Variants in COA1 observed in about 807,000 individuals in gnomAD.
COA1 encodes the protein cytochrome c oxidase assembly factor 1, also known as cytochrome c oxidase assembly factor 1 homolog.
Under a neutral mutation model 16.0 loss-of-function variants are expected in COA1, and 13 were observed. The observed-to-expected ratio is 0.81, with a 90% confidence interval of 0.53 to 1.29. The LOEUF (loss-of-function observed/expected upper bound fraction) is 1.29, where lower values mean the gene tolerates loss of function less well. Among genes scored for constraint, COA1 ranks in the 50% most tolerant of loss-of-function variants. COA1 has a pLI of 0.00. For synonymous variants in COA1, 65 were observed against 65.7 expected, an observed-to-expected ratio of 0.99 and a Z score of 0.05; for missense variants, 179 against 177.0, an observed-to-expected ratio of 1.01 and a Z score of -0.06.
At chr7:43,674,270 T>C (rs1043237667) in intron 1 of COA1, among the ~76,000 whole-genome samples, 1 of 152,206 alleles carries the variant, frequency 6.6e-6, no homozygotes, top group African/African-American at 2.4e-5. Context: ...TCAACACATA[T>C]AAATAACTAA....
At chr7:43,711,991 AC>A (rs984556084) in intron 1 of COA1, among the ~76,000 whole-genome samples, 1 of 152,192 alleles carries the variant, frequency 6.6e-6, no homozygotes, top group Admixed American at 6.5e-5. Context: ...ACGGACTTTT[AC>A]CAAGACATTA....
At chr7:43,700,579 CGTGTATATATACGTGTGT>C (rs929076212) in intron 1 of COA1, among the ~76,000 whole-genome samples, 3 of 104,846 alleles carry the variant, frequency 2.9e-5, no homozygotes, top group African/African-American at 1.1e-4. Flanking sequence ...CACATATATA[CGTGTATATATACGTGTGT>C]GTGTGTGTGT....
intron 6 of COA1, chr7:43,609,791 C>G (rs2082689672): frequency 6.6e-6 from 1 of 152,358 alleles, no homozygotes; most frequent in Non-Finnish European, 1.5e-5. Context: ...GCCTCTGGAC[C>G]ACCCCCAAAA....
chr7:43,687,662 T>A (rs906411541), intron 1 of COA1, among the ~76,000 whole-genome samples: 4 of 152,188 alleles, frequency 2.6e-5, no homozygotes, highest in African/African-American at 9.6e-5. Context: ...CAATAGTTAG[T>A]GATTGAGGCA....
At chr7:43,702,656 T>C (rs937617810) in intron 1 of COA1, among the ~76,000 whole-genome samples, 1 of 152,144 alleles carries the variant, frequency 6.6e-6, no homozygotes, top group Non-Finnish European at 1.5e-5. Flanking sequence ...TACATAGGGG[T>C]GTTCATAATA....
At chr7:43,714,997 C>G (rs79949289) in intron 1 of COA1, among the ~76,000 whole-genome samples, 4,711 of 104,270 alleles carry the variant, frequency 0.045, 271 homozygotes, top group African/African-American at 0.17. Context: ...AAAGAGTGAG[C>G]CTCTTGTCTA....
At chr7:43,692,456 T>C (rs2094403720) in intron 1 of COA1, among the ~76,000 whole-genome samples, 1 of 151,752 alleles carries the variant, frequency 6.6e-6, no homozygotes, top group Non-Finnish European at 1.5e-5. Context: ...AGGTCAAGGC[T>C]ACAGCAAGCC....
chr7:43,700,020 C>T (rs1323501827), intron 1 of COA1, among the ~76,000 whole-genome samples: 1 of 151,936 alleles, frequency 6.6e-6, no homozygotes, highest in South Asian at 2.1e-4. Context: ...CTTTAGTGTC[C>T]TCGTTAAAAA....
intron 1 of COA1, among the ~76,000 whole-genome samples, chr7:43,706,560 TAAAAAA>T (rs977811475): frequency 1.5e-5 from 2 of 136,276 alleles, no homozygotes; most frequent in Non-Finnish European, 3.2e-5. Flanking sequence ...AAATAAAAAA[TAAAAAA>T]ATAAAAAAAT....
intron 1 of COA1, among the ~76,000 whole-genome samples, chr7:43,700,156 A>T (rs1433285539): frequency 6.6e-6 from 1 of 152,140 alleles, no homozygotes; most frequent in Non-Finnish European, 1.5e-5. Flanking sequence ...ATTTAGCACC[A>T]TCTAGTGGCA....
intron 1 of COA1, among the ~76,000 whole-genome samples, chr7:43,688,257 T>C (rs2094127967): frequency 6.6e-6 from 1 of 152,184 alleles, no homozygotes; most frequent in Non-Finnish European, 1.5e-5. Context: ...GACATAAGAC[T>C]AAGTCATCAA....
At chr7:43,612,564 G>A (rs535873186) in intron 6 of COA1, among the ~76,000 whole-genome samples, 58 of 152,246 alleles carry the variant, frequency 3.8e-4, no homozygotes, top group Admixed American at 1.4e-3. Context: ...CAATATGTAT[G>A]GTAATTTTGA....
chr7:43,692,967 T>C (rs943448031), intron 1 of COA1, among the ~76,000 whole-genome samples: 1 of 152,126 alleles, frequency 6.6e-6, no homozygotes, highest in Admixed American at 6.6e-5. Flanking sequence ...AAATAAATTA[T>C]CTATGTCCAA....
In COA1 at chr7:43,691,419, GAAAAAGA is replaced by G. The variant is rs1285391057; in HGVS notation, c.-39+38003_-39+38009del. ...AGGAAGGAAGGAAGGAAGGAAGAAA[GAAAAAGA>G]AAGAAAGAAAGAAAGAAAGAAAGAA... On this transcript the variant is annotated intron_variant, in intron 1 of 5. Transcript: ENST00000223336. 6.9e-3 allele frequency among the ~76,000 whole-genome samples: 567 copies of G among 82,262 alleles called. 14 individuals carry two copies. Among genetic ancestry groups the G allele is most frequent in the East Asian group, 0.036 (101 of 2,788 alleles). The allele number at this position is 82,262 out of a possible 152,430, so 54.0% of individuals were successfully genotyped here. A position where few individuals can be genotyped will look rare whatever the true frequency, so the allele number is the denominator to read the frequency against.
chr7:43,700,118 T>C (rs1209945363), intron 1 of COA1, among the ~76,000 whole-genome samples: 5 of 152,142 alleles, frequency 3.3e-5, no homozygotes, highest in African/African-American at 9.7e-5. Flanking sequence ...ATGGCTTTAA[T>C]GGAGCTTGTC....
intron 1 of COA1, among the ~76,000 whole-genome samples, chr7:43,707,969 T>C (rs2095061362): frequency 6.6e-6 from 1 of 152,184 alleles, no homozygotes; most frequent in Non-Finnish European, 1.5e-5. Flanking sequence ...AAAAATTTCC[T>C]TGGGCATGGT....
chr7:43,680,309 A>G (rs983010136), intron 1 of COA1, among the ~76,000 whole-genome samples: 2 of 150,254 alleles, frequency 1.3e-5, no homozygotes, highest in Non-Finnish European at 3.0e-5. Flanking sequence ...AAAAGTAAGT[A>G]GGGAGGAGAG....
At chr7:43,680,941 A>T (rs2093741248) in intron 1 of COA1, among the ~76,000 whole-genome samples, 1 of 152,216 alleles carries the variant, frequency 6.6e-6, no homozygotes. Flanking sequence ...ATTACACTCC[A>T]GCCTGGGCAA....
At chr7:43,677,830 A>T (rs569258954) in intron 1 of COA1, among the ~76,000 whole-genome samples, 1 of 150,172 alleles carries the variant, frequency 6.7e-6, no homozygotes, top group East Asian at 1.9e-4. Context: ...AAAAAATTGT[A>T]ATTTGCTCCT....
Sources: allele counts gnomAD v4.1 joint callset (sites outside exome capture counted in the v4.1 genomes callset), GRCh38; gene constraint gnomAD v4.1.1; transcripts MANE v1.5; gene names NCBI Gene and HGNC (gene_info 2026-07-23, HGNC 2026-07-21).